ANKRD17: variants seen among roughly 807,000 people sequenced by gnomAD.
ANKRD17 encodes ankyrin repeat domain-containing protein 17.
ANKRD17 carries 19 observed loss-of-function variants against 229.7 expected under a neutral mutation model. The observed-to-expected ratio is 0.08, with a 90% CI of 0.06 to 0.12. ANKRD17 has a LOEUF of 0.12. Ranked by LOEUF, ANKRD17 falls within the 10% of genes least tolerant of loss-of-function variation. The pLI, the probability that ANKRD17 is intolerant of heterozygous loss-of-function variation, is 1.00. For synonymous variants in ANKRD17, 1,112 were observed against 1,146.1 expected (o/e 0.97, Z 0.60); for missense variants, 2,176 against 3,176.8 (o/e 0.68, Z 7.57).
intron 11 of ANKRD17, among the ~76,000 whole-genome samples, chr4:73,143,121 T>C (rs1729811902): frequency 6.6e-6 from 1 of 152,202 alleles, no homozygotes; most frequent in African/African-American, 2.4e-5. Context: ...AGTTCTTCAG[T>C]AGAAAAGATG....
intron 29 of ANKRD17, among the ~76,000 whole-genome samples, chr4:73,089,732 C>A (rs1032484670): frequency 1.3e-5 from 2 of 152,042 alleles, no homozygotes; most frequent in South Asian, 4.1e-4. Context: ...AAAGCAATAG[C>A]TTACAATCAG....
chr4:73,241,456 A>G (rs1744027802), intron 1 of ANKRD17, among the ~76,000 whole-genome samples: 1 of 152,188 alleles, frequency 6.6e-6, no homozygotes, highest in Admixed American at 6.5e-5. Flanking sequence ...TACAACATAA[A>G]TGAACCTCGA....
At chr4:73,149,857 C>T (rs964985180) in intron 7 of ANKRD17, among the ~76,000 whole-genome samples, 1 of 152,114 alleles carries the variant, frequency 6.6e-6, no homozygotes, top group Non-Finnish European at 1.5e-5. Flanking sequence ...GAGTGAGACC[C>T]TGTCTCAAAA....
At chr4:73,109,310 A>G (rs1416783958) in intron 24 of ANKRD17, among the ~76,000 whole-genome samples, 1 of 151,948 alleles carries the variant, frequency 6.6e-6, no homozygotes, top group African/African-American at 2.4e-5. Context: ...AAAAAAAAAA[A>G]AAAACTTTAT....
intron 1 of ANKRD17, among the ~76,000 whole-genome samples, chr4:73,221,944 C>A (rs1218634294): frequency 6.6e-6 from 1 of 152,130 alleles, no homozygotes. Flanking sequence ...CTTTATAATG[C>A]GCATAGGCTT....
intron 6 of ANKRD17, among the ~76,000 whole-genome samples, chr4:73,152,339 T>G (rs148206222): frequency 6.6e-6 from 1 of 152,208 alleles, no homozygotes; most frequent in African/African-American, 2.4e-5. Flanking sequence ...TGCCGCGTCT[T>G]ATATTTGTCA....
intron 25 of ANKRD17, among the ~76,000 whole-genome samples, chr4:73,101,658 C>T (rs1383414196): frequency 2.5e-5 from 2 of 79,456 alleles, no homozygotes; most frequent in Non-Finnish European, 4.7e-5. Context: ...GACCAAGACT[C>T]GGTCTCAAAA....
At chr4:73,106,597 C>T (rs754239886) in intron 24 of ANKRD17, among the ~76,000 whole-genome samples, 6 of 151,962 alleles carry the variant, frequency 3.9e-5, no homozygotes, top group Non-Finnish European at 5.9e-5. Flanking sequence ...AAAAAATACG[C>T]GGGCTGGGCA....
chr4:73,177,259 A>G (rs1734854395), intron 2 of ANKRD17, 121 bp downstream of exon 2: 1 of 973,960 alleles, frequency 1.0e-6, no homozygotes, highest in Non-Finnish European at 1.4e-6. Context: ...GTAATCAATT[A>G]ACCTTTATTA....
At chr4:73,115,781 C>T (rs542406882) in intron 23 of ANKRD17, 40 bp downstream of exon 23, 66 of 1,472,218 alleles carry the variant, frequency 4.5e-5, no homozygotes, top group African/African-American at 5.5e-5. Context: ...ATATATTAAC[C>T]GAATAGAGTC....
chr4:73,146,073 A>C (rs920657523), intron 10 of ANKRD17, among the ~76,000 whole-genome samples: 1 of 152,070 alleles, frequency 6.6e-6, no homozygotes, highest in African/African-American at 2.4e-5. Context: ...CTGGAAGACC[A>C]CCTATTCTAC....
chr4:73,220,635 T>A (rs1358535805), intron 1 of ANKRD17, among the ~76,000 whole-genome samples: 1 of 152,100 alleles, frequency 6.6e-6, no homozygotes, highest in Non-Finnish European at 1.5e-5. Flanking sequence ...TTTTGTTAAC[T>A]AATATTCAAT....
chr4:73,156,547 T>A (rs1731686569), intron 3 of ANKRD17, among the ~76,000 whole-genome samples: 1 of 152,138 alleles, frequency 6.6e-6, no homozygotes, highest in African/African-American at 2.4e-5. Context: ...TGGGGGTGGA[T>A]TTCTCCCTTG....
chr4:73,212,989 TGC>T (rs979718471), intron 1 of ANKRD17, among the ~76,000 whole-genome samples: 1 of 142,496 alleles, frequency 7.0e-6, no homozygotes, highest in African/African-American at 2.6e-5. Context: ...ATCACACCAC[TGC>T]ACTCCAGCTT....
chr4:73,151,237 G>A (rs538435262), intron 7 of ANKRD17, among the ~76,000 whole-genome samples, 193 bp downstream of exon 7: 5 of 152,242 alleles, frequency 3.3e-5, no homozygotes, highest in African/African-American at 1.2e-4. Flanking sequence ...ATAGTTATAT[G>A]AGACTAAGAA....
rs113686199 is a variant in ANKRD17, at chr4:73,225,251, C to T, written c.393+33025G>A. 2.4e-3 allele frequency among the ~76,000 whole-genome samples: 368 copies of T among 152,278 alleles called. 2 individuals carry two copies. Among genetic ancestry groups the T allele is most frequent in the South Asian group, 0.016 (76 of 4,820 alleles). ...CCCTTCCTCAAATTTTCCTCTAATG[C>T]TATCAAGCAATGATAGGTTTGAGTT... is the stretch of plus-strand genomic sequence containing the variant. On this transcript the variant is annotated intron_variant, in intron 1 of 33. Coordinates refer to ENST00000358602, the MANE Select transcript of ANKRD17 (RefSeq NM_032217.5).
chr4:73,162,940 G>A (rs1732728128), intron 2 of ANKRD17, among the ~76,000 whole-genome samples: 1 of 151,828 alleles, frequency 6.6e-6, no homozygotes, highest in South Asian at 2.1e-4. Flanking sequence ...GTTCACTGCA[G>A]CCTCGACCTC....
intron 1 of ANKRD17, among the ~76,000 whole-genome samples, chr4:73,256,327 A>G (rs1447770718): frequency 1.3e-5 from 2 of 152,216 alleles, no homozygotes; most frequent in Admixed American, 6.5e-5. Context: ...TTGCAGCAGA[A>G]TATCCCAGTA....
At chr4:73,180,017 T>C (rs1735334199) in intron 1 of ANKRD17, among the ~76,000 whole-genome samples, 1 of 151,866 alleles carries the variant, frequency 6.6e-6, no homozygotes, top group Admixed American at 6.6e-5. Context: ...TTCAATTTAA[T>C]AAGAAAAGAT....
Sources: allele counts gnomAD v4.1 joint callset (sites outside exome capture counted in the v4.1 genomes callset), GRCh38; gene constraint gnomAD v4.1.1; transcripts MANE v1.5; gene names NCBI Gene and HGNC (gene_info 2026-07-23, HGNC 2026-07-21).